The following ME3 variants were observed in gnomAD, a reference collection of about 807,000 sequenced individuals.
ME3 encodes NADP-dependent malic enzyme, mitochondrial.
In ME3, 48 loss-of-function variants were observed where a neutral mutation model predicts 68.9. That is an observed-to-expected ratio of 0.70 (90% confidence interval 0.55 to 0.89). The LOEUF (loss-of-function observed/expected upper bound fraction) is 0.89, where lower values mean the gene tolerates loss of function less well. Among genes scored for constraint, ME3 ranks in the 40% least tolerant of loss-of-function variants. The probability of loss-of-function intolerance (pLI) is 0.00; values close to 1 mark genes in which losing one functional copy is unlikely to be tolerated. For synonymous variants in ME3, 320 were observed against 318.8 expected, an observed-to-expected ratio of 1.00 and a Z score of -0.04; for missense variants, 675 against 797.4, an observed-to-expected ratio of 0.85 and a Z score of 1.85.
At chr11:86,659,893 A>T (rs1946166885) in intron 2 of ME3, among the ~76,000 whole-genome samples, 1 of 152,134 alleles carries the variant, frequency 6.6e-6, no homozygotes, top group African/African-American at 2.4e-5. Flanking sequence ...GATAGATCCA[A>T]ATTTGGCTGG....
intron 4 of ME3, among the ~76,000 whole-genome samples, chr11:86,552,473 G>A (rs1956742763): frequency 6.6e-6 from 1 of 152,166 alleles, no homozygotes. Context: ...TCCTCCACCT[G>A]CCTTTGGTAA....
At chr11:86,470,756 C>G (rs1470953153) in intron 7 of ME3, among the ~76,000 whole-genome samples, 3 of 152,134 alleles carry the variant, frequency 2.0e-5, no homozygotes, top group African/African-American at 7.2e-5. Flanking sequence ...CCATCTCTCC[C>G]CAGGATTACT....
At chr11:86,509,267 G>A (rs149505830) in intron 4 of ME3, among the ~76,000 whole-genome samples, 1 of 152,304 alleles carries the variant, frequency 6.6e-6, no homozygotes, top group African/African-American at 2.4e-5. Flanking sequence ...GGATCCCTAG[G>A]CCTGAGTCCG....
chr11:86,517,285 T>C (rs1953961125), intron 4 of ME3, among the ~76,000 whole-genome samples: 1 of 152,176 alleles, frequency 6.6e-6, no homozygotes, highest in South Asian at 2.1e-4. Context: ...CTTTTTCTTT[T>C]TGCCACATAA....
intron 2 of ME3, among the ~76,000 whole-genome samples, chr11:86,606,460 C>T (rs1274438617): frequency 6.6e-6 from 1 of 152,212 alleles, no homozygotes; most frequent in Non-Finnish European, 1.5e-5. Flanking sequence ...CTGGCCCTGA[C>T]CCTAAAGAAT....
At chr11:86,571,165 G>A (rs1040927301) in intron 2 of ME3, among the ~76,000 whole-genome samples, 6 of 152,184 alleles carry the variant, frequency 3.9e-5, no homozygotes, top group Non-Finnish European at 7.3e-5. Flanking sequence ...AGTTTTTTGA[G>A]GTCAGGGACT....
intron 2 of ME3, among the ~76,000 whole-genome samples, chr11:86,662,541 G>C (rs1428937038): frequency 3.3e-5 from 5 of 152,078 alleles, no homozygotes; most frequent in African/African-American, 1.2e-4. Context: ...AGGCTGCAGT[G>C]AACTATGATT....
chr11:86,460,067 CT>C (rs1950155619), intron 8 of ME3, among the ~76,000 whole-genome samples: 1 of 152,240 alleles, frequency 6.6e-6, no homozygotes, highest in African/African-American at 2.4e-5. Context: ...TTCCCACTGC[CT>C]TTCCCCTTCT....
At chr11:86,471,293 G>A (rs913941312) in intron 7 of ME3, among the ~76,000 whole-genome samples, 1 of 151,778 alleles carries the variant, frequency 6.6e-6, no homozygotes, top group African/African-American at 2.4e-5. Context: ...GCACCACCAA[G>A]CCCAGCTAAT....
chr11:86,511,298 G>A (rs1030732501), intron 4 of ME3, among the ~76,000 whole-genome samples: 1 of 152,220 alleles, frequency 6.6e-6, no homozygotes, highest in African/African-American at 2.4e-5. Flanking sequence ...ACAGAATCTT[G>A]TCTGGGTCTT....
At chr11:86,655,221 T>C (rs920300107) in intron 2 of ME3, among the ~76,000 whole-genome samples, 1 of 152,202 alleles carries the variant, frequency 6.6e-6, no homozygotes, top group Non-Finnish European at 1.5e-5. Context: ...TACCAATGAC[T>C]TTCTTCACAG....
At chr11:86,509,210 T>A (rs1454355956) in intron 4 of ME3, among the ~76,000 whole-genome samples, 1 of 151,738 alleles carries the variant, frequency 6.6e-6, no homozygotes, top group Non-Finnish European at 1.5e-5. Context: ...TGTTTGGGCC[T>A]CTTTTCCAGG....
intron 6 of ME3, among the ~76,000 whole-genome samples, chr11:86,495,207 A>G (rs528664004): frequency 6.6e-6 from 1 of 152,298 alleles, no homozygotes; most frequent in Non-Finnish European, 1.5e-5. Context: ...TCAGTTTCCT[A>G]TGCTGTAAAA....
At chr11:86,555,396 T>C (rs972095888) in intron 4 of ME3, among the ~76,000 whole-genome samples, 11 of 152,282 alleles carry the variant, frequency 7.2e-5, no homozygotes, top group African/African-American at 2.4e-4. Context: ...TCTACCACTA[T>C]TGGTTTTGGG....
At chr11:86,570,683 G>A (rs1000409339) in intron 2 of ME3, among the ~76,000 whole-genome samples, 3 of 152,260 alleles carry the variant, frequency 2.0e-5, no homozygotes, top group African/African-American at 2.4e-5. Context: ...GCTCATTACC[G>A]CCCAGAACCA....
chr11:86,445,086 T>TGC (rs1303767015), intron 13 of ME3, among the ~76,000 whole-genome samples: 1 of 152,226 alleles, frequency 6.6e-6, no homozygotes, highest in African/African-American at 2.4e-5. Flanking sequence ...CAGAGGACTT[T>TGC]GCTTTCAGGC....
At chr11:86,518,836 A>G (rs1471912728) in intron 4 of ME3, among the ~76,000 whole-genome samples, 1 of 152,138 alleles carries the variant, frequency 6.6e-6, no homozygotes, top group Non-Finnish European at 1.5e-5. Context: ...AGAAGAGGAG[A>G]AGACAGGGAC....
At chr11:86,588,317 A>C (rs1038367064) in intron 2 of ME3, among the ~76,000 whole-genome samples, 1 of 152,222 alleles carries the variant, frequency 6.6e-6, no homozygotes, top group Non-Finnish European at 1.5e-5. Context: ...AAAGTAATAC[A>C]ACAAGTAATA....
chr11:86,584,483 T>G (rs1049512846), intron 2 of ME3, among the ~76,000 whole-genome samples: 1 of 152,098 alleles, frequency 6.6e-6, no homozygotes. Context: ...CCAGAATAAT[T>G]AAAATCAAAA....
Sources: allele counts gnomAD v4.1 joint callset (sites outside exome capture counted in the v4.1 genomes callset), GRCh38; gene constraint gnomAD v4.1.1; transcripts MANE v1.5; gene names NCBI Gene and HGNC (gene_info 2026-07-23, HGNC 2026-07-21).